Variants in HSD17B12 observed in about 807,000 individuals in gnomAD.
HSD17B12 encodes the protein hydroxysteroid 17-beta dehydrogenase 12.
A neutral mutation model predicts 39.3 loss-of-function variants in HSD17B12; 32 were observed. The observed-to-expected ratio is 0.81, with a 90% CI of 0.61 to 1.09. The LOEUF (loss-of-function observed/expected upper bound fraction) is 1.09. HSD17B12 is among the 50% of genes least tolerant of loss of function. The probability of loss-of-function intolerance (pLI) is 0.00; values close to 1 mark genes in which losing one functional copy is unlikely to be tolerated. For synonymous variants in HSD17B12, 150 were observed against 146.7 expected (o/e 1.02, Z -0.16); for missense variants, 342 against 382.9 (o/e 0.89, Z 0.89).
chr11:43,775,996 T>G (rs1463693008), intron 3 of HSD17B12, among the ~76,000 whole-genome samples: 1 of 152,190 alleles, frequency 6.6e-6, no homozygotes, highest in Non-Finnish European at 1.5e-5. Context: ...ATTTTCTTAA[T>G]CCAGTCTATC....
intron 3 of HSD17B12, among the ~76,000 whole-genome samples, chr11:43,777,131 A>C (rs1048089464): frequency 2.0e-5 from 3 of 152,186 alleles, no homozygotes; most frequent in African/African-American, 7.2e-5. Flanking sequence ...AGTTTTTTCC[A>C]ATTCTGTGAA....
intron 3 of HSD17B12, among the ~76,000 whole-genome samples, chr11:43,763,608 ATCT>A (rs1297517352): frequency 2.6e-3 from 358 of 136,380 alleles, no homozygotes; most frequent in Non-Finnish European, 3.7e-3. Context: ...ATATAAGGTT[ATCT>A]TATATATATA....
At chr11:43,640,847 C>T in the HSD17B12 span, 39 of 151,812 alleles carry the variant, frequency 2.6e-4, no homozygotes, top group South Asian at 8.3e-4. Context: ...AGACTTGCTA[C>T]ATAAAATTAG....
At chr11:43,678,845 G>C (rs912625890), upstream of HSD17B12, among the ~76,000 whole-genome samples, 15 of 152,198 alleles carry the variant, frequency 9.9e-5, no homozygotes, top group Admixed American at 7.2e-4. Flanking sequence ...TAGCCTTGTA[G>C]TATAGTTTGA....
At chr11:43,608,994 A>G in the HSD17B12 span, among the ~76,000 whole-genome samples, 1 of 152,122 alleles carries the variant, frequency 6.6e-6, no homozygotes, top group African/African-American at 2.4e-5. Context: ...GTGTGGTCAC[A>G]GTTCACTGCA....
the HSD17B12 span, among the ~76,000 whole-genome samples, chr11:43,588,639 G>C: frequency 9.2e-5 from 6 of 64,934 alleles, no homozygotes; most frequent in African/African-American, 2.6e-4. Context: ...TATTATTATA[G>C]TGTTCTCTTT....
chr11:43,702,938 A>G (rs1949978987), intron 1 of HSD17B12, among the ~76,000 whole-genome samples: 1 of 152,150 alleles, frequency 6.6e-6, no homozygotes, highest in Admixed American at 6.6e-5. Flanking sequence ...GTTCTAATGT[A>G]TCATTGAATT....
At chr11:43,630,300 T>G in the HSD17B12 span, among the ~76,000 whole-genome samples, 2 of 152,152 alleles carry the variant, frequency 1.3e-5, no homozygotes, top group African/African-American at 2.4e-5. Context: ...AAAGTGAAAA[T>G]TGGACTAGAT....
At chr11:43,731,846 G>C (rs1355349853) in intron 1 of HSD17B12, among the ~76,000 whole-genome samples, 1 of 152,100 alleles carries the variant, frequency 6.6e-6, no homozygotes, top group Non-Finnish European at 1.5e-5. Flanking sequence ...CCTTTCCATG[G>C]CATGGAACCC....
intron 1 of HSD17B12, among the ~76,000 whole-genome samples, chr11:43,711,012 C>G (rs932262442): frequency 6.6e-6 from 1 of 152,102 alleles, no homozygotes; most frequent in Non-Finnish European, 1.5e-5. Context: ...AGGCTGGTCT[C>G]GAACTCCTGA....
At chr11:43,835,922 C>A (rs894244352) in intron 7 of HSD17B12, among the ~76,000 whole-genome samples, 12 of 152,054 alleles carry the variant, frequency 7.9e-5, no homozygotes, top group Non-Finnish European at 1.8e-4. Context: ...GGGAAAGGAA[C>A]TTTTATTATC....
chr11:43,850,036 G>C (rs1418267637), intron 9 of HSD17B12, among the ~76,000 whole-genome samples: 1 of 151,890 alleles, frequency 6.6e-6, no homozygotes, highest in East Asian at 1.9e-4. Flanking sequence ...ACAATACTTT[G>C]AACTCCTTCA....
At position 43,723,122 on chromosome 11, in the gene HSD17B12, G is replaced by A. The variant is rs553774483; in HGVS notation, c.161-27789G>A. Among the ~76,000 whole-genome samples, 6 of 152,184 alleles carry A rather than the reference G, an allele frequency of 3.9e-5. No individual in the cohort carries two copies. The South Asian group carries it at 8.3e-4, about 21-fold the overall frequency. ...TCATTTTTACTATTAAAAAAAGGTG[G>A]CATGTTAGTAATCAGAATGTTCTAG... On this transcript the variant is annotated intron_variant, in intron 1 of 10. Coordinates refer to ENST00000278353, the MANE Select transcript of HSD17B12 (RefSeq NM_016142.3).
chr11:43,779,636 G>A (rs1950745242), intron 3 of HSD17B12, among the ~76,000 whole-genome samples: 1 of 152,184 alleles, frequency 6.6e-6, no homozygotes, highest in Admixed American at 6.5e-5. Context: ...ACATAAGTGA[G>A]AAGATTGTTT....
At chr11:43,609,794 T>C in the HSD17B12 span, among the ~76,000 whole-genome samples, 4 of 152,232 alleles carry the variant, frequency 2.6e-5, no homozygotes, top group Non-Finnish European at 5.9e-5. Context: ...CAAGTCATTT[T>C]CCCTCTCTGG....
chr11:43,721,978 C>T (rs1195937368), intron 1 of HSD17B12, among the ~76,000 whole-genome samples: 3 of 152,008 alleles, frequency 2.0e-5, no homozygotes, highest in African/African-American at 7.3e-5. Flanking sequence ...AATGATGGGG[C>T]CTTGAACCAG....
intron 3 of HSD17B12, among the ~76,000 whole-genome samples, chr11:43,762,387 C>T (rs961197667): frequency 6.6e-6 from 1 of 152,148 alleles, no homozygotes; most frequent in African/African-American, 2.4e-5. Flanking sequence ...GAGCAGGAAG[C>T]CTGACTTACA....
At chr11:43,698,638 G>GT (rs1416469850) in intron 1 of HSD17B12, among the ~76,000 whole-genome samples, 3 of 152,056 alleles carry the variant, frequency 2.0e-5, no homozygotes, top group African/African-American at 7.2e-5. Flanking sequence ...CAGCTATTCT[G>GT]TTTTTTTCCA....
intron 3 of HSD17B12, among the ~76,000 whole-genome samples, chr11:43,794,717 G>A (rs185811860): frequency 7.3e-4 from 111 of 152,324 alleles, no homozygotes; most frequent in African/African-American, 2.6e-3. Flanking sequence ...CTGTCTGCTG[G>A]TGATACTCCC....
Sources: gnomAD v4.1 joint callset for allele counts (sites outside exome capture counted in the v4.1 genomes callset) on GRCh38, gnomAD v4.1.1 for gene constraint, MANE v1.5 for transcripts, NCBI Gene and HGNC (gene_info 2026-07-23, HGNC 2026-07-21) for gene names.